FRMD5: variants seen among roughly 807,000 people sequenced by gnomAD.
FRMD5 encodes the protein FERM domain-containing protein 5.
A neutral mutation model predicts 69.0 loss-of-function variants in FRMD5; 20 were observed. The ratio of observed to expected loss-of-function variants is 0.29; its 90% CI spans 0.20 to 0.42. FRMD5 has a LOEUF of 0.42. FRMD5 is among the 10% of genes least tolerant of loss of function. The pLI, the probability that FRMD5 is intolerant of heterozygous loss-of-function variation, is 1.00. For missense variants in FRMD5, 595 were observed against 708.6 expected, an observed-to-expected ratio of 0.84 and a Z score of 1.82; for synonymous variants, 271 against 260.1, an observed-to-expected ratio of 1.04 and a Z score of -0.40.
chr15:44,123,047 T>C (rs2076976879), intron 1 of FRMD5, among the ~76,000 whole-genome samples: 2 of 152,108 alleles, frequency 1.3e-5, no homozygotes, highest in Non-Finnish European at 2.9e-5. Context: ...TGAACATTAA[T>C]CAAAATGATA....
intron 1 of FRMD5, among the ~76,000 whole-genome samples, chr15:44,133,888 A>C (rs2077142488): frequency 6.6e-6 from 1 of 152,134 alleles, no homozygotes; most frequent in African/African-American, 2.4e-5. Flanking sequence ...TTCAGAGAAG[A>C]ATCAGATATA....
At chr15:44,101,272 T>C (rs1490308842) in intron 1 of FRMD5, among the ~76,000 whole-genome samples, 2 of 152,154 alleles carry the variant, frequency 1.3e-5, no homozygotes. Flanking sequence ...TTCACATGAT[T>C]CTGAGGGGCT....
intron 1 of FRMD5, among the ~76,000 whole-genome samples, chr15:44,136,167 T>C (rs1449069346): frequency 6.6e-6 from 1 of 151,864 alleles, no homozygotes; most frequent in Non-Finnish European, 1.5e-5. Context: ...GGTGAGCCAC[T>C]ACACCTGCCT....
chr15:44,084,457 C>G (rs940636045), intron 1 of FRMD5, among the ~76,000 whole-genome samples: 1 of 152,032 alleles, frequency 6.6e-6, no homozygotes, highest in Non-Finnish European at 1.5e-5. Context: ...CCCGAGGCAG[C>G]CCACTTTATT....
intron 5 of FRMD5, among the ~76,000 whole-genome samples, chr15:43,906,185 C>G (rs868245270): frequency 1.3e-5 from 2 of 152,212 alleles, no homozygotes; most frequent in Non-Finnish European, 2.9e-5. Flanking sequence ...TGCAGAGAGA[C>G]AGAGAGCTGA....
At chr15:44,149,101 A>T (rs1485964068) in intron 1 of FRMD5, among the ~76,000 whole-genome samples, 1 of 152,184 alleles carries the variant, frequency 6.6e-6, no homozygotes, top group Non-Finnish European at 1.5e-5. Flanking sequence ...CACAATGTAT[A>T]AGGATGTAAT....
intron 13 of FRMD5, chr15:43,875,728 A>G (rs2088324816): frequency 9.5e-6 from 5 of 528,646 alleles, no homozygotes. Context: ...TGCTGGGATT[A>G]TAGGTGTGAG....
At chr15:43,917,133 C>T (rs1209182829) in intron 4 of FRMD5, among the ~76,000 whole-genome samples, 1 of 152,100 alleles carries the variant, frequency 6.6e-6, no homozygotes, top group Non-Finnish European at 1.5e-5. Context: ...CATACATTTC[C>T]AGTCCTTTAA....
At chr15:44,180,961 T>C (rs2077989707) in intron 1 of FRMD5, among the ~76,000 whole-genome samples, 1 of 152,198 alleles carries the variant, frequency 6.6e-6, no homozygotes, top group Non-Finnish European at 1.5e-5. Context: ...TCTAATCAAG[T>C]GAGAAAACAT....
chr15:44,045,533 G>A (rs953736254), intron 1 of FRMD5, among the ~76,000 whole-genome samples: 1 of 152,126 alleles, frequency 6.6e-6, no homozygotes, highest in African/African-American at 2.4e-5. Flanking sequence ...AGTTTACTAT[G>A]CCTATGTACA....
intron 1 of FRMD5, among the ~76,000 whole-genome samples, chr15:44,058,449 A>T (rs1358423361): frequency 1.3e-5 from 2 of 152,192 alleles, no homozygotes; most frequent in Admixed American, 6.5e-5. Flanking sequence ...CTCCGTGAAT[A>T]AGCTTAAAGC....
intron 1 of FRMD5, among the ~76,000 whole-genome samples, chr15:44,036,082 C>A (rs1446700584): frequency 2.6e-5 from 4 of 152,136 alleles, no homozygotes; most frequent in East Asian, 1.9e-4. Context: ...ATTAAAGGAA[C>A]AAATCCTAAC....
intron 1 of FRMD5, among the ~76,000 whole-genome samples, chr15:44,120,228 C>A (rs190090103): frequency 2.0e-5 from 3 of 152,102 alleles, no homozygotes; most frequent in Non-Finnish European, 4.4e-5. Flanking sequence ...AGAAAGATCT[C>A]TCTGGAATCA....
chr15:43,921,520 C>G (rs940917141), intron 2 of FRMD5, among the ~76,000 whole-genome samples: 5 of 152,198 alleles, frequency 3.3e-5, no homozygotes, highest in Non-Finnish European at 7.3e-5. Flanking sequence ...AGAGCTGTCA[C>G]AGCTGATCCA....
chr15:43,944,953 T>C (rs3039874), intron 1 of FRMD5, among the ~76,000 whole-genome samples: 11,878 of 114,940 alleles, frequency 0.1, 896 homozygotes, highest in African/African-American at 0.4. Context: ...GTTTATTTAT[T>C]TATTTTTTTT....
At chr15:44,150,002 C>A (rs190872528) in intron 1 of FRMD5, among the ~76,000 whole-genome samples, 1 of 151,964 alleles carries the variant, frequency 6.6e-6, no homozygotes, top group East Asian at 1.9e-4. Context: ...AAGGATGGTT[C>A]AACATATGAA....
At chr15:44,008,746 G>A (rs1208201304) in intron 1 of FRMD5, among the ~76,000 whole-genome samples, 1 of 152,024 alleles carries the variant, frequency 6.6e-6, no homozygotes, top group Admixed American at 6.6e-5. Flanking sequence ...AGCTTCCCAG[G>A]CCAGGCGCAG....
intron 2 of FRMD5, among the ~76,000 whole-genome samples, chr15:43,922,605 G>A (rs923038189): frequency 3.3e-5 from 5 of 151,000 alleles, no homozygotes; most frequent in Non-Finnish European, 7.4e-5. Context: ...GATACAATTC[G>A]CCTTTTTTTC....
intron 5 of FRMD5, among the ~76,000 whole-genome samples, chr15:43,909,057 G>A (rs144736155): frequency 6.6e-6 from 1 of 152,070 alleles, no homozygotes; most frequent in African/African-American, 2.4e-5. Flanking sequence ...CGCAGTTTAG[G>A]GTTGAGTGTT....
Sources: allele counts gnomAD v4.1 joint callset (sites outside exome capture counted in the v4.1 genomes callset), GRCh38; gene constraint gnomAD v4.1.1; transcripts MANE v1.5; gene names NCBI Gene and HGNC (gene_info 2026-07-23, HGNC 2026-07-21).